Variants in FHIT observed in about 807,000 individuals in gnomAD.
FHIT encodes fragile histidine triad diadenosine triphosphatase.
Under a neutral mutation model 17.9 loss-of-function variants are expected in FHIT, and 19 were observed. That is an observed-to-expected ratio of 1.06 (90% confidence interval 0.74 to 1.56). The LOEUF is 1.56. FHIT is among the 40% of genes most tolerant of loss of function. FHIT has a pLI of 0.00. For missense variants in FHIT, 248 were observed against 189.2 expected (o/e 1.31, Z -1.82); for synonymous variants, 81 against 69.7 (o/e 1.16, Z -0.81).
chr3:60,598,107 G>A (rs1047040241), intron 4 of FHIT, among the ~76,000 whole-genome samples: 3 of 152,104 alleles, frequency 2.0e-5, no homozygotes, highest in East Asian at 1.9e-4. Flanking sequence ...ACCCACCATC[G>A]AAGTTAGATA....
intron 5 of FHIT, among the ~76,000 whole-genome samples, chr3:60,203,042 A>C (rs1226466429): frequency 2.0e-5 from 3 of 152,088 alleles, no homozygotes; most frequent in Admixed American, 6.5e-5. Context: ...ACATACACAC[A>C]CACGTGTCTG....
At chr3:60,251,670 A>G (rs1160859620) in intron 5 of FHIT, among the ~76,000 whole-genome samples, 1 of 152,198 alleles carries the variant, frequency 6.6e-6, no homozygotes, top group African/African-American at 2.4e-5. Flanking sequence ...TTGACCCAGT[A>G]CAGGCACTTC....
chr3:60,895,354 G>C (rs1239103023), intron 3 of FHIT, among the ~76,000 whole-genome samples: 1 of 152,124 alleles, frequency 6.6e-6, no homozygotes, highest in African/African-American at 2.4e-5. Context: ...CCTTAAATAA[G>C]GTGTTTTCTG....
intron 8 of FHIT, among the ~76,000 whole-genome samples, chr3:59,870,321 A>G (rs1409424818): frequency 1.3e-5 from 2 of 152,228 alleles, no homozygotes; most frequent in Non-Finnish European, 2.9e-5. Flanking sequence ...TGAAGCTTAA[A>G]GAAATTCATC....
rs539076528 is a variant in FHIT at position 61,206,092 on chromosome 3, T to C, written c.-212-5427A>G. ...AATAGGGAATCCTTTCCCCATTGCT[T>C]GTTTTTCTCAGGTTTGTCAAAGATC... is the stretch of plus-strand genomic sequence containing the variant. On this transcript the variant is annotated intron_variant, in intron 1 of 9. Coordinates refer to ENST00000492590, the MANE Select transcript of FHIT (RefSeq NM_002012.4). Among the ~76,000 whole-genome samples, 22 of 129,824 alleles carry C rather than the reference T, an allele frequency of 1.7e-4. No individual in the cohort carries two copies. The East Asian group carries it at 4.8e-3, about 29-fold the overall frequency. The allele number at this position is 129,824 out of a possible 152,430, so 85.2% of individuals were successfully genotyped here.
At chr3:60,237,262 A>ATTTTTTTT (rs201958097) in intron 5 of FHIT, among the ~76,000 whole-genome samples, 3 of 124,850 alleles carry the variant, frequency 2.4e-5, no homozygotes, top group African/African-American at 6.1e-5. Flanking sequence ...TTGTTTTTCC[A>ATTTTTTTT]TTTTTTTTTT....
At chr3:60,860,220 G>T (rs533512759) in intron 3 of FHIT, among the ~76,000 whole-genome samples, 50 of 131,006 alleles carry the variant, frequency 3.8e-4, no homozygotes, top group African/African-American at 1.4e-3. Flanking sequence ...GTATACATGA[G>T]ATACATCATA....
At chr3:60,312,485 A>G (rs1708992177) in intron 5 of FHIT, among the ~76,000 whole-genome samples, 1 of 152,162 alleles carries the variant, frequency 6.6e-6, no homozygotes, top group African/African-American at 2.4e-5. Context: ...AAAATCCTTT[A>G]AAGAACTCCA....
At chr3:61,187,397 T>C (rs982029703) in intron 2 of FHIT, among the ~76,000 whole-genome samples, 4 of 152,090 alleles carry the variant, frequency 2.6e-5, no homozygotes, top group African/African-American at 4.8e-5. Context: ...TAAATATATA[T>C]GCACCCAATA....
At chr3:60,738,628 C>T (rs782143941) in intron 4 of FHIT, among the ~76,000 whole-genome samples, 4 of 152,192 alleles carry the variant, frequency 2.6e-5, no homozygotes, top group Non-Finnish European at 5.9e-5. Context: ...TTCAAGTTCT[C>T]GATCTGTACC....
At chr3:60,073,662 G>A (rs962446971) in intron 5 of FHIT, among the ~76,000 whole-genome samples, 5 of 151,984 alleles carry the variant, frequency 3.3e-5, no homozygotes, top group Admixed American at 3.3e-4. Flanking sequence ...ATTTTCTCAT[G>A]ATCTACCGAA....
chr3:60,052,879 A>G (rs1387953477), intron 5 of FHIT, among the ~76,000 whole-genome samples: 1 of 151,588 alleles, frequency 6.6e-6, no homozygotes, highest in South Asian at 2.1e-4. Context: ...TGTAACTTAC[A>G]CTAACAAAGT....
intron 7 of FHIT, among the ~76,000 whole-genome samples, chr3:59,942,305 C>T (rs1352691378): frequency 2.0e-5 from 3 of 152,198 alleles, no homozygotes; most frequent in African/African-American, 7.2e-5. Flanking sequence ...TAGCCTTCAT[C>T]TTTCCATGCC....
In FHIT at chr3:60,618,370, T is replaced by C. The variant is rs568962825; in HGVS notation, c.-17-81391A>G. ...GTGCCATGGTGATTTGCTACACAGA[T>C]CATCCCATCACCTAGGTATTAAGCC... On this transcript the variant is annotated intron_variant, in intron 4 of 9. Transcript: ENST00000492590. Among the ~76,000 whole-genome samples the C allele has an allele frequency of 1.3e-5, 2 of 152,240 alleles. 1 individual carries two copies. The highest frequency in any genetic ancestry group is 1.3e-4 in the Admixed American group (2 of 15,288).
intron 2 of FHIT, among the ~76,000 whole-genome samples, chr3:61,192,750 T>C (rs1014509849): frequency 5.3e-5 from 8 of 150,908 alleles, no homozygotes; most frequent in Admixed American, 3.3e-4. Flanking sequence ...AATCTTTAGA[T>C]GATGGGTCTT....
intron 3 of FHIT, among the ~76,000 whole-genome samples, chr3:60,862,779 G>A (rs1703976274): frequency 1.3e-5 from 2 of 151,336 alleles, no homozygotes. Context: ...TTGAACCCGG[G>A]AGGCAGAGGT....
chr3:60,772,250 G>C (rs1405676436), intron 4 of FHIT, among the ~76,000 whole-genome samples: 1 of 143,626 alleles, frequency 7.0e-6, no homozygotes, highest in African/African-American at 2.6e-5. Context: ...GAAGCATCCA[G>C]ATTATCACTG....
intron 7 of FHIT, among the ~76,000 whole-genome samples, chr3:59,986,108 G>C (rs1708888396): frequency 6.6e-6 from 1 of 151,988 alleles, no homozygotes; most frequent in Non-Finnish European, 1.5e-5. Flanking sequence ...AAAGAAAAAA[G>C]CACTATCAAT....
chr3:60,976,882 T>G (rs1463225397), intron 3 of FHIT, among the ~76,000 whole-genome samples: 1 of 69,014 alleles, frequency 1.4e-5, no homozygotes, highest in African/African-American at 6.1e-5. Flanking sequence ...TGAATACTTG[T>G]TTTTTTTTTT....
Sources: allele counts gnomAD v4.1 joint callset (sites outside exome capture counted in the v4.1 genomes callset), GRCh38; gene constraint gnomAD v4.1.1; transcripts MANE v1.5; gene names NCBI Gene and HGNC (gene_info 2026-07-23, HGNC 2026-07-21).